Variants in AGTRAP observed in about 807,000 individuals in gnomAD.
The protein encoded by AGTRAP is type-1 angiotensin II receptor-associated protein.
In AGTRAP, 7 loss-of-function variants were observed where a neutral mutation model predicts 15.2. That is an observed-to-expected ratio of 0.46 (90% confidence interval 0.26 to 0.87). AGTRAP has a LOEUF of 0.87. AGTRAP is among the 40% of genes least tolerant of loss of function. The probability of loss-of-function intolerance (pLI) is 0.15; values close to 1 mark genes in which losing one functional copy is unlikely to be tolerated. For synonymous variants in AGTRAP, 74 were observed against 89.6 expected, an observed-to-expected ratio of 0.83 and a Z score of 0.98; for missense variants, 187 against 213.4, an observed-to-expected ratio of 0.88 and a Z score of 0.77.
intron 2 of AGTRAP, chr1:11,746,041 TC>T: frequency 7.0e-7 from 1 of 1,427,022 alleles, no homozygotes; most frequent in Non-Finnish European, 9.8e-7. Flanking sequence ...GAAGTGCTCA[TC>T]AGAGCTCCCC....
chr1:11,747,691 CT>C (rs1369047924), intron 3 of AGTRAP, 146 bp downstream of exon 3: 1 of 840,530 alleles, frequency 1.2e-6, no homozygotes, highest in African/African-American at 1.7e-5. Flanking sequence ...GTTCATCAGC[CT>C]CCTGGGCTCC....
Position 11,745,933 on chromosome 1 carries a change from A to G in AGTRAP, c.62+96A>G. The stretch of plus-strand genomic sequence containing the variant: ...GGTTCTGCCGTGTTTTAACCAGGTC[A>G]CTTTGGGCCAGACAGCTCTGCCTCT... On this transcript the variant is annotated intron_variant, in intron 2 of 4. Coordinates refer to ENST00000314340, the MANE Select transcript of AGTRAP (RefSeq NM_020350.5). This position sits in a 1 kb window ranked among gnomAD's most constrained non-coding sequence, Gnocchi z 4.2. The G allele has an allele frequency of 6.6e-7, 1 of 1,524,150 alleles. No individual in the cohort carries two copies. 94.4% of individuals were successfully genotyped at this position (1,524,150 alleles called of 1,614,324 possible). A position where few individuals can be genotyped will look rare whatever the true frequency, so the allele number is the denominator to read the frequency against.
At position 11,747,558 on chromosome 1, in the gene AGTRAP, G is replaced by T. The variant is rs11578987; in HGVS notation, c.168+13G>T. 3.8e-3 allele frequency: 6,173 copies of T among 1,612,902 alleles called. 46 individuals carry two copies. Among genetic ancestry groups the T allele is most frequent in the South Asian group, 0.017 (1,554 of 91,072 alleles). The stretch of plus-strand genomic sequence containing the variant: ...CGCCATAAGCATGGTGAGCCAGGGT[G>T]GGGGAGAGGCGGCAAGGCGGGGAGC... On this transcript the variant is annotated intron_variant, in intron 3 of 4. Coordinates refer to ENST00000314340, the MANE Select transcript of AGTRAP (RefSeq NM_020350.5).
At chr1:11,749,942 C>T (rs1642273190) in intron 4 of AGTRAP, 135 bp from the exon 5 acceptor site, 1 of 652,864 alleles carries the variant, frequency 1.5e-6, no homozygotes, top group Admixed American at 2.4e-5. Context: ...CCTGGGGCTG[C>T]TGCCTCTGTC....
intron 1 of AGTRAP, among the ~76,000 whole-genome samples, chr1:11,737,671 T>C (rs1641932624): frequency 6.6e-6 from 1 of 152,164 alleles, no homozygotes; most frequent in Admixed American, 6.5e-5. Flanking sequence ...CTTTCTGGGG[T>C]ACCAGCTTAG....
intron 2 of AGTRAP, chr1:11,746,458 T>C (rs767233710): frequency 6.4e-6 from 3 of 470,142 alleles, no homozygotes; most frequent in Non-Finnish European, 1.2e-5. Context: ...TTAGTGAATG[T>C]CCTATAAATC....
chr1:11,750,108 C>T lies in AGTRAP; in HGVS notation c.396C>T (p.Ala132=), dbSNP rs1557706796. ...TTGGGTCTTCTCAGGACCGTAGTGC[C>T]TACCAGACGATTGACTCAGCAGAGG... ...GFLGSSQDRS[A]YQTIDSAEAP... The change falls in exon 5 of 5, where the codon GCC becomes GCT. Residue 132 remains alanine (A), a synonymous_variant. Coordinates refer to ENST00000314340, the MANE Select transcript of AGTRAP (RefSeq NM_020350.5). 6.2e-7 allele frequency: 1 copy of T among 1,614,062 alleles called. No individual in the cohort carries two copies. Among genetic ancestry groups the T allele is most frequent in the East Asian group, 2.2e-5 (1 of 44,866 alleles).
chr1:11,739,592 G>A (rs1641977135), intron 1 of AGTRAP, among the ~76,000 whole-genome samples: 1 of 152,202 alleles, frequency 6.6e-6, no homozygotes, highest in South Asian at 2.1e-4. Context: ...GATTGATTCT[G>A]ACATTTGTGT....
rs1642290237 is a variant in AGTRAP at position 11,750,379 on chromosome 1, C to A, written c.*187C>A. The A allele has an allele frequency of 3.1e-6, 2 of 646,616 alleles. No individual in the cohort carries two copies. Among genetic ancestry groups the A allele is most frequent in the Admixed American group, 4.7e-5 (2 of 42,366 alleles). The allele number at this position is 646,616 out of a possible 1,614,324, so 40.1% of individuals were successfully genotyped here. A position where few individuals can be genotyped will look rare whatever the true frequency, so the allele number is the denominator to read the frequency against. Reference sequence around the variant, plus strand: ...GTACCATGCACACTCCTGTCCCGAACTCCCTGAGGCCTCCCCTCCCTTCAG... The same window carrying A: ...GTACCATGCACACTCCTGTCCCGAAATCCCTGAGGCCTCCCCTCCCTTCAG... On this transcript the variant is annotated 3_prime_UTR_variant, in exon 5 of 5. Coordinates refer to ENST00000314340, the MANE Select transcript of AGTRAP (RefSeq NM_020350.5).
chr1:11,744,546 G>A (rs1642114330), intron 1 of AGTRAP: 2 of 716,682 alleles, frequency 2.8e-6, no homozygotes, highest in Admixed American at 2.0e-5. Context: ...GCCAGCTCCA[G>A]TGTCCCAAGA....
Position 11,750,439 on chromosome 1 carries a change from T to C in AGTRAP, c.*247T>C. ...TGGTTCCCAGGCTGGAACCAGGGTC[T>C]CTCTTTACCTCCTACCCCATGGTGG... On this transcript the variant is annotated 3_prime_UTR_variant, in exon 5 of 5. Transcript: ENST00000314340. 1 of 602,990 alleles carries C rather than the reference T, an allele frequency of 1.7e-6. No individual in the cohort carries two copies. Among genetic ancestry groups the C allele is most frequent in the Non-Finnish European group, 3.0e-6 (1 of 338,020 alleles). 37.4% of individuals were successfully genotyped at this position (602,990 alleles called of 1,614,324 possible). A position where few individuals can be genotyped will look rare whatever the true frequency, so the allele number is the denominator to read the frequency against.
intron 1 of AGTRAP, among the ~76,000 whole-genome samples, chr1:11,740,620 G>GT (rs1642008067): frequency 6.6e-6 from 1 of 152,174 alleles, no homozygotes; most frequent in East Asian, 1.9e-4. Context: ...CTCATAGGTT[G>GT]TAAGCATGAC....
intron 1 of AGTRAP, 138 bp downstream of exon 1, chr1:11,736,373 A>T: frequency 1.6e-6 from 2 of 1,237,412 alleles, no homozygotes; most frequent in Non-Finnish European, 2.2e-6. Context: ...GACCCCACGC[A>T]AGAAGGAGAT....
At chr1:11,742,511 CTCTT>C (rs369870292) in intron 1 of AGTRAP, among the ~76,000 whole-genome samples, 24 of 147,264 alleles carry the variant, frequency 1.6e-4, no homozygotes, top group African/African-American at 5.8e-4. Flanking sequence ...TTCTCTTTCT[CTCTT>C]TCTTTCTTTT....
At chr1:11,741,778 G>A (rs1642035116) in intron 1 of AGTRAP, among the ~76,000 whole-genome samples, 2 of 152,210 alleles carry the variant, frequency 1.3e-5, no homozygotes, top group Non-Finnish European at 2.9e-5. Flanking sequence ...CACTTAGAAT[G>A]GCACCTAGCA....
chr1:11,748,829 CCTT>C (rs550282904), intron 4 of AGTRAP, among the ~76,000 whole-genome samples: 42 of 152,328 alleles, frequency 2.8e-4, no homozygotes, highest in African/African-American at 9.1e-4. Context: ...TCTGCCGTGA[CCTT>C]CTTCTGCTGT....
intron 2 of AGTRAP, chr1:11,746,523 A>C: frequency 3.2e-6 from 1 of 309,056 alleles, no homozygotes; most frequent in Non-Finnish European, 6.2e-6. Context: ...TTTGGTAATA[A>C]ATGAGGTAGA....
In AGTRAP at chr1:11,736,197, G is replaced by T. The variant is rs1260504797; in HGVS notation, c.-12G>T. Reference sequence around the variant, plus strand: ...CGCGGCTGCGGCGCAGGTGCCCTCGGCCTGAGTCGGGATGGAGCTGCCTGC... The same window carrying T: ...CGCGGCTGCGGCGCAGGTGCCCTCGTCCTGAGTCGGGATGGAGCTGCCTGC... On this transcript the variant is annotated 5_prime_UTR_variant, in exon 1 of 5. Transcript: ENST00000314340. 6.2e-7 allele frequency: 1 copy of T among 1,603,898 alleles called. No homozygotes were observed. The highest frequency in any genetic ancestry group is 8.5e-7 in the Non-Finnish European group (1 of 1,176,322).
chr1:11,737,379 G>A (rs1467397439), intron 1 of AGTRAP, among the ~76,000 whole-genome samples: 4 of 152,152 alleles, frequency 2.6e-5, no homozygotes, highest in Non-Finnish European at 5.9e-5. Context: ...CAGGCAATGT[G>A]GGGTTAACAC....
Sources: gnomAD v4.1 joint callset for allele counts (sites outside exome capture counted in the v4.1 genomes callset) on GRCh38, gnomAD v4.1.1 for gene constraint, Gnocchi (gnomAD v3.1) non-coding constraint, MANE v1.5 for transcripts, NCBI Gene and HGNC (gene_info 2026-07-23, HGNC 2026-07-21) for gene names.